Variants in ANKRD26 observed in about 807,000 individuals in gnomAD.
ANKRD26 encodes the protein ankyrin repeat domain 26, also known as ankyrin repeat domain-containing protein 26.
Under a neutral mutation model 208.7 loss-of-function variants are expected in ANKRD26, and 141 were observed. The observed-to-expected ratio is 0.68, with a 90% CI of 0.59 to 0.78. ANKRD26 has a LOEUF of 0.78. Ranked by LOEUF, ANKRD26 falls within the 30% of genes least tolerant of loss-of-function variation. The pLI is 0.00. For synonymous variants in ANKRD26, 636 were observed against 660.4 expected (o/e 0.96, Z 0.57); for missense variants, 1,889 against 1,938.7 (o/e 0.97, Z 0.48).
downstream of ANKRD26, among the ~76,000 whole-genome samples, chr10:26,972,000 C>T (rs908369159): frequency 3.9e-5 from 6 of 152,106 alleles, no homozygotes; most frequent in African/African-American, 1.4e-4. Context: ...CTTTGGGAGG[C>T]CAAGGTGGGC....
Position 27,082,683 on chromosome 10 carries a change from G to A in ANKRD26, c.740+120C>T, listed in dbSNP as rs140095463. 35 of 1,388,768 alleles carry A rather than the reference G, an allele frequency of 2.5e-5. No homozygotes were observed. The African/African-American group carries it at 4.6e-4, about 18-fold the overall frequency. 86.0% of individuals were successfully genotyped at this position (1,388,768 alleles called of 1,614,324 possible). On this transcript the variant is annotated intron_variant, in intron 6 of 33. Transcript: ENST00000376087. ...TAATATAGCACAGATACTTTGCAAA[G>A]CTGTTGGGACGACTATATGGAGAAG... is the stretch of plus-strand genomic sequence containing the variant.
rs74128552 is a variant in ANKRD26 at position 27,049,176 on chromosome 10, C to T, written c.1636-197G>A. Among the ~76,000 whole-genome samples, 374 of 152,144 alleles carry T rather than the reference C, an allele frequency of 2.5e-3. 2 individuals are homozygous for T. Among genetic ancestry groups the T allele is most frequent in the African/African-American group, 8.5e-3 (352 of 41,504 alleles). Reference sequence around the variant, plus strand: ...TCAGCTATTATTATAATTTTATCAACGAAATTTTTGTAAAGTCTGCTTCAT... The same window carrying T: ...TCAGCTATTATTATAATTTTATCAATGAAATTTTTGTAAAGTCTGCTTCAT... On this transcript the variant is annotated intron_variant, in intron 16 of 33. Coordinates refer to ENST00000376087, the MANE Select transcript of ANKRD26 (RefSeq NM_014915.3).
rs1399339371 is a variant in ANKRD26 at position 27,022,547 on chromosome 10, T to C, written c.4215+11A>G. 2.7e-6 allele frequency: 4 copies of C among 1,502,536 alleles called. No homozygotes were observed. Among genetic ancestry groups the C allele is most frequent in the East Asian group, 2.3e-5 (1 of 43,090 alleles). 93.1% of individuals were successfully genotyped at this position (1,502,536 alleles called of 1,614,324 possible). A position where few individuals can be genotyped will look rare whatever the true frequency, so the allele number is the denominator to read the frequency against. Reference sequence around the variant, plus strand: ...GTGACTTTTTTGGTCCCAAAACTTATTAAAAATTACCTTATGTTTTAGCTT... The same window carrying C: ...GTGACTTTTTTGGTCCCAAAACTTACTAAAAATTACCTTATGTTTTAGCTT... On this transcript the variant is annotated intron_variant, in intron 29 of 33. Coordinates refer to ENST00000376087, the MANE Select transcript of ANKRD26 (RefSeq NM_014915.3).
rs2053526392 is a variant in ANKRD26, at chr10:27,022,587, C to T, written c.4186G>A (p.Asp1396Asn). 6.5e-7 allele frequency: 1 copy of T among 1,540,506 alleles called. No individual in the cohort carries two copies. Among genetic ancestry groups the T allele is most frequent in the Non-Finnish European group, 8.9e-7 (1 of 1,119,164 alleles). The change falls in exon 29 of 34, where the codon GAT becomes AAT. Residue 1396 changes from aspartate (D) to asparagine (N), a missense_variant. Coordinates refer to ENST00000376087, the MANE Select transcript of ANKRD26 (RefSeq NM_014915.3). ...TGTTTTAGCTTATTAATCTGAATATCCATTTCAAATTGACTAGTTTTTAAA... is the reference window on the plus strand; with the variant it reads ...TGTTTTAGCTTATTAATCTGAATATTCATTTCAAATTGACTAGTTTTTAAA... Reference protein sequence around the residue: ...GDLKTSQFEMDIQINKLKHKI... With the variant: ...GDLKTSQFEMNIQINKLKHKI...
At chr10:26,982,949 G>A (rs769220654) in intron 3 of ANKRD26, among the ~76,000 whole-genome samples, 28 of 152,176 alleles carry the variant, frequency 1.8e-4, no homozygotes, top group Non-Finnish European at 3.4e-4. Flanking sequence ...GATCTGACAG[G>A]TTGGTTATCT....
chr10:26,988,833 C>T (rs1243015801), downstream of ANKRD26, among the ~76,000 whole-genome samples: 1 of 150,394 alleles, frequency 6.6e-6, no homozygotes, highest in African/African-American at 2.4e-5. Flanking sequence ...ATCACTTGAG[C>T]TCAGGAGTTC....
intron 27 of ANKRD26, among the ~76,000 whole-genome samples, chr10:27,026,562 C>G (rs1351394849): frequency 6.6e-6 from 1 of 152,154 alleles, no homozygotes; most frequent in Non-Finnish European, 1.5e-5. Context: ...CCTGTTGTGA[C>G]TTAAAGAAAC....
In ANKRD26 at chr10:27,005,187, T is replaced by C. The variant is rs2052828189; in HGVS notation, c.*403A>G. 1 of 990,142 alleles carries C rather than the reference T, an allele frequency of 1.0e-6. No homozygotes were observed. Among genetic ancestry groups the C allele is most frequent in the South Asian group, 4.6e-5 (1 of 21,700 alleles). 61.3% of individuals were successfully genotyped at this position (990,142 alleles called of 1,614,324 possible). On this transcript the variant is annotated 3_prime_UTR_variant, in exon 34 of 34. Transcript: ENST00000376087. The stretch of plus-strand genomic sequence containing the variant: ...AAATTTGATGGCACTGTAACAATTG[T>C]AATACATCCAAACATGAACAATGAC...
the ANKRD26 span, among the ~76,000 whole-genome samples, chr10:26,956,166 A>G: frequency 6.6e-6 from 1 of 152,292 alleles, no homozygotes; most frequent in Non-Finnish European, 1.5e-5. Context: ...GTTATCTTAC[A>G]TATCCTTTAT....
chr10:26,993,064 C>G (rs1564336786), intron 5 of ANKRD26, among the ~76,000 whole-genome samples: 1 of 152,076 alleles, frequency 6.6e-6, no homozygotes. Context: ...CTCTGTATGC[C>G]ATATAACACG....
intron 15 of ANKRD26, among the ~76,000 whole-genome samples, chr10:27,056,267 TC>T (rs1178505026): frequency 1.3e-5 from 2 of 152,048 alleles, no homozygotes; most frequent in African/African-American, 4.8e-5. Flanking sequence ...AACCTTCGCC[TC>T]CTAGGTTCAA....
chr10:26,986,263 T>C (rs1339691747), intron 3 of ANKRD26, among the ~76,000 whole-genome samples: 2 of 152,228 alleles, frequency 1.3e-5, no homozygotes, highest in Non-Finnish European at 2.9e-5. Context: ...CCTTACACCT[T>C]ATACTAAAAT....
intron 5 of ANKRD26, among the ~76,000 whole-genome samples, chr10:26,977,384 C>T (rs576109221): frequency 9.2e-5 from 14 of 152,252 alleles, no homozygotes; most frequent in South Asian, 2.1e-4. Flanking sequence ...CTATTTGAAT[C>T]GAAATGAGTT....
chr10:27,044,371 A>G (rs1234010807), intron 18 of ANKRD26, among the ~76,000 whole-genome samples, 181 bp from the exon 19 acceptor site: 2 of 152,204 alleles, frequency 1.3e-5, no homozygotes, highest in African/African-American at 4.8e-5. Context: ...AAGGGGTATT[A>G]AACTATATAC....
intron 6 of ANKRD26, chr10:27,080,664 A>G: frequency 1.0e-6 from 1 of 985,484 alleles, no homozygotes; most frequent in African/African-American, 1.7e-5. Flanking sequence ...CCTCTTCTGC[A>G]GGGCTCCATA....
intron 9 of ANKRD26, among the ~76,000 whole-genome samples, chr10:27,073,040 C>T (rs561028984): frequency 1.4e-4 from 21 of 152,266 alleles, no homozygotes; most frequent in African/African-American, 5.1e-4. Flanking sequence ...CAGCAGGATT[C>T]ACAGCAGCCA....
chr10:26,981,609 G>A (rs112831858), intron 4 of ANKRD26, among the ~76,000 whole-genome samples: 36 of 152,260 alleles, frequency 2.4e-4, no homozygotes, highest in Non-Finnish European at 4.6e-4. Context: ...ACATCCACTT[G>A]ACTAAATATT....
intron 24 of ANKRD26, among the ~76,000 whole-genome samples, chr10:27,034,501 G>A (rs182047073): frequency 2.0e-5 from 3 of 152,192 alleles, no homozygotes; most frequent in African/African-American, 7.2e-5. Context: ...GCAACATAAA[G>A]ACACTAAAAT....
the ANKRD26 span, among the ~76,000 whole-genome samples, chr10:26,951,019 C>CTTTTCTTTT: frequency 2.1e-5 from 1 of 48,582 alleles, no homozygotes; most frequent in African/African-American, 5.6e-5. Flanking sequence ...TTTTCTTTTT[C>CTTTTCTTTT]TTTTTTTTTT....
Sources: allele counts gnomAD v4.1 joint callset (sites outside exome capture counted in the v4.1 genomes callset), GRCh38; gene constraint gnomAD v4.1.1; transcripts MANE v1.5; gene names NCBI Gene and HGNC (gene_info 2026-07-23, HGNC 2026-07-21).